The following TMEM132B variants were observed in gnomAD, a reference collection of about 807,000 sequenced individuals.
TMEM132B encodes the protein transmembrane protein 132B.
A neutral mutation model predicts 90.8 loss-of-function variants in TMEM132B; 18 were observed. The observed-to-expected ratio is 0.20, with a 90% CI of 0.14 to 0.29. TMEM132B has a LOEUF of 0.29. TMEM132B is among the 10% of genes least tolerant of loss of function. The pLI, the probability that TMEM132B is intolerant of heterozygous loss-of-function variation, is 1.00. For missense variants in TMEM132B, 1,096 were observed against 1,326.8 expected (o/e 0.83, Z 2.70); for synonymous variants, 504 against 523.3 (o/e 0.96, Z 0.50).
chr12:125,442,182 G>C (rs986287045), intron 3 of TMEM132B, among the ~76,000 whole-genome samples: 1 of 152,100 alleles, frequency 6.6e-6, no homozygotes, highest in Non-Finnish European at 1.5e-5. Flanking sequence ...TTTAGAAGGT[G>C]TTCAGGAGAG....
At position 125,516,977 on chromosome 12, in the gene TMEM132B, G is replaced by A. The variant is rs77514879; in HGVS notation, c.1107-2462G>A. 1.1e-3 allele frequency among the ~76,000 whole-genome samples: 175 copies of A among 152,278 alleles called. 1 individual carries two copies. Among genetic ancestry groups the A allele is most frequent in the African/African-American group, 4.2e-3 (174 of 41,556 alleles). Reference sequence around the variant, plus strand: ...AATATGGTTGATGGGAAATGGCAGGGGTGCAGGTGGGGTGACTCTAGCTGA... The same window carrying A: ...AATATGGTTGATGGGAAATGGCAGGAGTGCAGGTGGGGTGACTCTAGCTGA... On this transcript the variant is annotated intron_variant, in intron 3 of 8. Coordinates refer to ENST00000682704, the MANE Select transcript of TMEM132B (RefSeq NM_001366854.1).
At chr12:125,280,394 G>T (rs1875124862) in intron 1 of TMEM132B, among the ~76,000 whole-genome samples, 1 of 152,184 alleles carries the variant, frequency 6.6e-6, no homozygotes, top group Non-Finnish European at 1.5e-5. Flanking sequence ...TTAAAAAGAG[G>T]CTAACTTAAT....
chr12:125,457,993 T>C (rs1007485044), intron 3 of TMEM132B, among the ~76,000 whole-genome samples: 2 of 152,012 alleles, frequency 1.3e-5, no homozygotes, highest in Admixed American at 1.3e-4. Context: ...TAAACAGAGC[T>C]GTATCAGGAT....
intron 3 of TMEM132B, among the ~76,000 whole-genome samples, chr12:125,426,997 G>T (rs1880336663): frequency 2.0e-5 from 3 of 152,224 alleles, no homozygotes; most frequent in African/African-American, 7.2e-5. Context: ...TAAAGCATGA[G>T]CAAGAGTTTA....
chr12:125,433,818 G>A (rs1880616416), intron 3 of TMEM132B, among the ~76,000 whole-genome samples: 1 of 151,990 alleles, frequency 6.6e-6, no homozygotes, highest in Non-Finnish European at 1.5e-5. Context: ...TCTATCTTCT[G>A]CCTACGCCGA....
intron 5 of TMEM132B, among the ~76,000 whole-genome samples, chr12:125,619,330 ATATTTATTTATT>A (rs58234813): frequency 0.36 from 50,081 of 139,480 alleles, 10,138 homozygotes; most frequent in Non-Finnish European, 0.46. Context: ...GCATTTATTT[ATATTTATTTATT>A]TATTTATTTA....
At chr12:125,266,125 A>T (rs982795644) in intron 1 of TMEM132B, among the ~76,000 whole-genome samples, 1 of 152,150 alleles carries the variant, frequency 6.6e-6, no homozygotes, top group African/African-American at 2.4e-5. Flanking sequence ...GCTACTAGGG[A>T]GACTGAGGCA....
intron 1 of TMEM132B, among the ~76,000 whole-genome samples, chr12:125,308,856 A>T (rs1174484903): frequency 6.6e-6 from 1 of 152,152 alleles, no homozygotes; most frequent in African/African-American, 2.4e-5. Flanking sequence ...GGCAAATATG[A>T]TCATGAATTT....
chr12:125,480,340 A>G (rs938617515), intron 3 of TMEM132B, among the ~76,000 whole-genome samples: 4 of 152,296 alleles, frequency 2.6e-5, no homozygotes, highest in African/African-American at 9.6e-5. Context: ...TGAAAAGATC[A>G]ACAAAATTGA....
At chr12:125,442,998 C>T (rs540944567) in intron 3 of TMEM132B, among the ~76,000 whole-genome samples, 225 of 152,254 alleles carry the variant, frequency 1.5e-3, no homozygotes, top group Non-Finnish European at 2.5e-3. Context: ...TCTCCTTATC[C>T]CAGGACACAT....
intron 1 of TMEM132B, among the ~76,000 whole-genome samples, chr12:125,325,109 A>G (rs1295006458): frequency 6.6e-6 from 1 of 152,124 alleles, no homozygotes; most frequent in Admixed American, 6.6e-5. Context: ...TGTGTTTACA[A>G]TTTTTGCAAA....
chr12:125,654,703 A>G lies in TMEM132B; in HGVS notation c.3245A>G (p.Gln1082Arg). 1 of 1,610,440 alleles carries G rather than the reference A, an allele frequency of 6.2e-7. No individual in the cohort carries two copies. Among genetic ancestry groups the G allele is most frequent in the Non-Finnish European group, 8.5e-7 (1 of 1,177,992 alleles). ...GACTATATGGAAAGTCTGCAAGACC[A>G]GATGTAAACTCCTTTCTTATGTTTG... The part of the protein sequence containing the change: ...FRDYMESLQD[Q>R]M Residue 1082 changes from glutamine to arginine, a missense_variant, in exon 9 of 9, where the codon CAG (glutamine) becomes CGG (arginine). Coordinates refer to ENST00000682704, the MANE Select transcript of TMEM132B (RefSeq NM_001366854.1). This position sits in a 1 kb window ranked among gnomAD's most constrained non-coding sequence, Gnocchi z 5.8.
At position 125,296,816 on chromosome 12, in the gene TMEM132B, G is replaced by T. The variant is rs563411175; in HGVS notation, c.68-52636G>T. 6.6e-5 allele frequency among the ~76,000 whole-genome samples: 10 copies of T among 152,330 alleles called. 1 individual carries two copies. The South Asian group carries it at 2.1e-3, about 32-fold the overall frequency. On this transcript the variant is annotated intron_variant, in intron 1 of 8. Coordinates refer to ENST00000682704, the MANE Select transcript of TMEM132B (RefSeq NM_001366854.1). ...TGGGACCAGGCTGTCTGGGCAGGAG[G>T]ACTCCTCAGGCTCCTTGTGCTACGT...
intron 1 of TMEM132B, among the ~76,000 whole-genome samples, chr12:125,296,093 C>G (rs117985181): frequency 6.6e-6 from 1 of 152,312 alleles, no homozygotes; most frequent in East Asian, 1.9e-4. Flanking sequence ...TTCTGATACC[C>G]GAGTCTGATC....
chr12:125,398,991 AT>A (rs964973775), intron 2 of TMEM132B, among the ~76,000 whole-genome samples: 2 of 152,036 alleles, frequency 1.3e-5, no homozygotes, highest in African/African-American at 4.8e-5. Flanking sequence ...AGAGCCCTGG[AT>A]TTTTGCTGGC....
intron 2 of TMEM132B, among the ~76,000 whole-genome samples, chr12:125,404,492 T>C (rs778281479): frequency 9.8e-5 from 15 of 152,326 alleles, no homozygotes; most frequent in Admixed American, 2.0e-4. Context: ...CTTGTGTGTC[T>C]GATCTCTGGA....
chr12:125,446,689 C>A (rs1176603148), intron 3 of TMEM132B, among the ~76,000 whole-genome samples: 1 of 152,122 alleles, frequency 6.6e-6, no homozygotes, highest in African/African-American at 2.4e-5. Context: ...ATAAATGTTT[C>A]TTTGTCCTCT....
At chr12:125,389,013 TAC>T (rs71447042) in intron 2 of TMEM132B, among the ~76,000 whole-genome samples, 44,723 of 139,822 alleles carry the variant, frequency 0.32, 7,490 homozygotes, top group Non-Finnish European at 0.4. Flanking sequence ...ATATTTTCTG[TAC>T]ACACACACAC....
At chr12:125,607,994 T>A (rs574091611) in intron 5 of TMEM132B, among the ~76,000 whole-genome samples, 1 of 152,324 alleles carries the variant, frequency 6.6e-6, no homozygotes, top group Admixed American at 6.5e-5. Context: ...CATCAATAGG[T>A]GGACAATTGG....
Sources: gnomAD v4.1 joint callset for allele counts (sites outside exome capture counted in the v4.1 genomes callset) on GRCh38, gnomAD v4.1.1 for gene constraint, Gnocchi (gnomAD v3.1) non-coding constraint, MANE v1.5 for transcripts, NCBI Gene and HGNC (gene_info 2026-07-23, HGNC 2026-07-21) for gene names.